Variants in LAMA3 observed in about 807,000 individuals in gnomAD.
LAMA3 encodes laminin subunit alpha 3, also known as laminin subunit alpha-3.
In LAMA3, 281 loss-of-function variants were observed where a neutral mutation model predicts 402.0. The ratio of observed to expected loss-of-function variants is 0.70; its 90% confidence interval spans 0.63 to 0.77. The LOEUF is 0.77. Among genes scored for constraint, LAMA3 ranks in the 30% least tolerant of loss-of-function variants. LAMA3 has a pLI of 0.00. For missense variants in LAMA3, 3,840 were observed against 4,215.5 expected, an observed-to-expected ratio of 0.91 and a Z score of 2.47; for synonymous variants, 1,431 against 1,558.4, an observed-to-expected ratio of 0.92 and a Z score of 1.93.
At position 23,950,173 on chromosome 18, in the gene LAMA3, T is replaced by G; in HGVS notation, c.9642+14T>G. ...GAGGCAGGAAAGGTGTGTAGCAGTC[T>G]GATGCCATGGGGAGGGTCTGTAGAA... is the stretch of plus-strand genomic sequence containing the variant. On this transcript the variant is annotated intron_variant, in intron 72 of 74. Transcript: ENST00000313654. 2 of 1,613,940 alleles carry G rather than the reference T, an allele frequency of 1.2e-6. No individual in the cohort carries two copies. The highest frequency in any genetic ancestry group is 1.1e-5 in the South Asian group (1 of 91,070).
In LAMA3 at chr18:23,881,984, G is replaced by A. The variant is rs771784857; in HGVS notation, c.5161G>A (p.Gly1721Ser). The A allele has an allele frequency of 3.7e-6, 6 of 1,613,952 alleles. No individual in the cohort carries two copies. Among genetic ancestry groups the A allele is most frequent in the African/African-American group, 1.3e-5 (1 of 74,912 alleles). Residue 1721 changes from glycine (G) to serine (S), a missense_variant, in exon 40 of 75, where the codon GGC becomes AGC. Around this residue, in one of 3 missense-constraint regions of LAMA3, gnomAD observed 2,109 missense variants for 2,376.0 expected, o/e 0.89. Transcript: ENST00000313654. ...AGEHCERCQE[G>S]YYGNAVHGSC... is the part of the protein sequence containing the mutation. ...AGAGCACTGTGAACGCTGCCAGGAG[G>A]GCTACTATGGCAACGCCGTCCACGG... is the stretch of plus-strand genomic sequence containing the variant.
intron 21 of LAMA3, 135 bp from the exon 22 acceptor site, chr18:23,826,567 A>G (rs1598869520): frequency 1.4e-6 from 1 of 717,992 alleles, no homozygotes; most frequent in Non-Finnish European, 2.5e-6. Context: ...TGAAGAACAA[A>G]GCAGTTGATA....
Position 23,858,607 on chromosome 18 carries a change from T to C in LAMA3, c.4282-82T>C, listed in dbSNP as rs879048960. ...TCCTCATCCTAACATCTTGTGTTGG[T>C]ATTTAATTTGTGCAAGTAGCTAATT... On this transcript the variant is annotated intron_variant, in intron 33 of 74. Coordinates refer to ENST00000313654, the MANE Select transcript of LAMA3 (RefSeq NM_198129.4). 111 of 1,218,056 alleles carry C rather than the reference T, an allele frequency of 9.1e-5. 2 individuals are homozygous for C. The South Asian group carries it at 1.3e-3, about 15-fold the overall frequency. The allele number at this position is 1,218,056 out of a possible 1,614,324, so 75.5% of individuals were successfully genotyped here.
intron 26 of LAMA3, 31 bp downstream of exon 26, chr18:23,838,909 A>G (rs775465313): frequency 1.6e-6 from 2 of 1,282,322 alleles, no homozygotes; most frequent in East Asian, 4.6e-5. Flanking sequence ...CTCCCCGTTC[A>G]TGTTCTGAGT....
chr18:23,831,531 C>A (rs190528191), intron 23 of LAMA3, among the ~76,000 whole-genome samples: 18 of 152,114 alleles, frequency 1.2e-4, no homozygotes, highest in African/African-American at 4.3e-4. Flanking sequence ...TTCAAGGAAG[C>A]CTTCCGCTCT....
intron 6 of LAMA3, among the ~76,000 whole-genome samples, chr18:23,757,227 T>C (rs1341158469): frequency 6.6e-6 from 1 of 152,066 alleles, no homozygotes; most frequent in African/African-American, 2.4e-5. Context: ...TGGTTCCACC[T>C]TACCTCAGGC....
At chr18:23,705,275 T>C (rs551712752) in intron 1 of LAMA3, among the ~76,000 whole-genome samples, 39 of 152,190 alleles carry the variant, frequency 2.6e-4, no homozygotes, top group Non-Finnish European at 3.5e-4. Context: ...TTTGCCCTGC[T>C]TTATTTATTT....
intron 7 of LAMA3, among the ~76,000 whole-genome samples, chr18:23,760,914 G>A (rs935225781): frequency 8.6e-5 from 13 of 151,960 alleles, no homozygotes; most frequent in African/African-American, 3.1e-4. Context: ...AGCTTTCTGG[G>A]CCTCTTTTAT....
rs45521536 is a variant in LAMA3, at chr18:23,915,230, T to C, written c.7645-59T>C. On this transcript the variant is annotated intron_variant, in intron 58 of 74. Coordinates refer to ENST00000313654, the MANE Select transcript of LAMA3 (RefSeq NM_198129.4). ...GTGACTGTTAAAAGTGATTAATTGA[T>C]ACTATTTTGATTATTGTCCTTTGTT... The C allele has an allele frequency of 0.059, 92,084 of 1,563,344 alleles. 3,121 individuals are homozygous for C. Among genetic ancestry groups the C allele is most frequent in the Admixed American group, 0.095 (5,648 of 59,678 alleles).
intron 2 of LAMA3, among the ~76,000 whole-genome samples, chr18:23,728,463 C>T (rs2061335366): frequency 1.3e-5 from 2 of 152,172 alleles, no homozygotes; most frequent in Admixed American, 6.5e-5. Flanking sequence ...GTCTGGGATC[C>T]AGCATCTGTT....
intron 12 of LAMA3, among the ~76,000 whole-genome samples, chr18:23,786,867 A>C (rs983662908): frequency 6.6e-6 from 1 of 152,258 alleles, no homozygotes; most frequent in Non-Finnish European, 1.5e-5. Context: ...AATAACTGAA[A>C]TGAAAAATTC....
chr18:23,827,638 C>T (rs980633453), intron 23 of LAMA3, among the ~76,000 whole-genome samples, 171 bp downstream of exon 23: 4 of 152,250 alleles, frequency 2.6e-5, no homozygotes, highest in African/African-American at 7.2e-5. Context: ...CTGGATGGTA[C>T]GCTACATGGA....
intron 6 of LAMA3, among the ~76,000 whole-genome samples, chr18:23,757,687 A>G (rs977477920): frequency 1.1e-4 from 16 of 152,258 alleles, no homozygotes; most frequent in South Asian, 6.2e-4. Flanking sequence ...CCAGGGCTGG[A>G]CAATGGTTTT....
At chr18:23,923,781 T>G (rs1314293588) in intron 62 of LAMA3, among the ~76,000 whole-genome samples, 1 of 152,136 alleles carries the variant, frequency 6.6e-6, no homozygotes. Flanking sequence ...AAGGAACCCA[T>G]TGGTGGTGGT....
At chr18:23,800,454 G>T (rs1004608738) in intron 12 of LAMA3, among the ~76,000 whole-genome samples, 3 of 152,136 alleles carry the variant, frequency 2.0e-5, no homozygotes, top group African/African-American at 2.4e-5. Context: ...GAGTGATATT[G>T]CCATACATGG....
chr18:23,747,898 A>C, intron 2 of LAMA3, 45 bp from the exon 3 acceptor site: 1 of 1,082,978 alleles, frequency 9.2e-7, no homozygotes, highest in Non-Finnish European at 1.4e-6. Flanking sequence ...GAAGCTGTGA[A>C]TCGATGAGAT....
intron 12 of LAMA3, among the ~76,000 whole-genome samples, chr18:23,795,849 A>G (rs1420816339): frequency 6.6e-6 from 1 of 152,130 alleles, no homozygotes; most frequent in African/African-American, 2.4e-5. Context: ...TTGTGTCCCT[A>G]AAAATTCATA....
At chr18:23,823,252 C>T (rs1402163267) in intron 20 of LAMA3, among the ~76,000 whole-genome samples, 1 of 152,238 alleles carries the variant, frequency 6.6e-6, no homozygotes, top group African/African-American at 2.4e-5. Flanking sequence ...ACTTGGCAAA[C>T]TGAGGAGAGT....
chr18:23,789,327 T>C (rs181479741), intron 12 of LAMA3, among the ~76,000 whole-genome samples: 39 of 152,270 alleles, frequency 2.6e-4, no homozygotes, highest in Admixed American at 1.2e-3. Context: ...TCAGTGTATA[T>C]CCAAAAGAAA....
Sources: gnomAD v4.1 joint callset for allele counts (sites outside exome capture counted in the v4.1 genomes callset) on GRCh38, gnomAD v4.1.1 for gene constraint, gnomAD v4.1.1 regional missense constraint, MANE v1.5 for transcripts, NCBI Gene and HGNC (gene_info 2026-07-23, HGNC 2026-07-21) for gene names.